Variants in LIMD1 observed in about 807,000 individuals in gnomAD.
The protein encoded by LIMD1 is LIM domain-containing protein 1.
LIMD1 carries 23 observed loss-of-function variants against 58.4 expected under a neutral mutation model. That is an observed-to-expected ratio of 0.39 (90% confidence interval 0.28 to 0.56). The LOEUF is 0.56. Among genes scored for constraint, LIMD1 ranks in the 20% least tolerant of loss-of-function variants. LIMD1 has a pLI of 0.57. For missense variants in LIMD1, 838 were observed against 855.5 expected (o/e 0.98, Z 0.25); for synonymous variants, 334 against 345.5 (o/e 0.97, Z 0.37).
chr3:45,632,646 C>T (rs922944859), intron 1 of LIMD1: 1 of 626,482 alleles, frequency 1.6e-6, no homozygotes, highest in Non-Finnish European at 2.0e-6. Context: ...GCGGAGGCCA[C>T]AGTTAAGACA....
At chr3:45,605,866 TG>T (rs1701463506) in intron 1 of LIMD1, among the ~76,000 whole-genome samples, 3 of 152,184 alleles carry the variant, frequency 2.0e-5, no homozygotes, top group African/African-American at 7.2e-5. Context: ...TGGGTGTTGT[TG>T]GGTCTCAGGC....
intron 2 of LIMD1, among the ~76,000 whole-genome samples, chr3:45,645,937 C>A (rs1701900465): frequency 6.6e-6 from 1 of 151,522 alleles, no homozygotes; most frequent in Non-Finnish European, 1.5e-5. Flanking sequence ...GTAATACAAG[C>A]TGCTGTCTGT....
chr3:45,635,789 C>A, intron 1 of LIMD1: 2 of 447,770 alleles, frequency 4.5e-6, no homozygotes, highest in African/African-American at 2.2e-5. Context: ...TCCCAACCTG[C>A]ATGCTTGGCA....
intron 2 of LIMD1, among the ~76,000 whole-genome samples, chr3:45,646,486 C>T (rs142202157): frequency 6.6e-6 from 1 of 152,350 alleles, no homozygotes; most frequent in East Asian, 1.9e-4. Flanking sequence ...TGGCCTCTCT[C>T]TGACCTGTAG....
intron 1 of LIMD1, among the ~76,000 whole-genome samples, chr3:45,618,057 GCACCT>G (rs1188556034): frequency 6.6e-6 from 1 of 152,048 alleles, no homozygotes; most frequent in African/African-American, 2.4e-5. Context: ...GTGTGGTGGG[GCACCT>G]CACTGCCTGA....
rs748937836 is a variant in LIMD1, at chr3:45,682,944, G to A, written c.*5885G>A. 5.3e-5 allele frequency: 8 copies of A among 152,172 alleles called. No individual in the cohort carries two copies. Among genetic ancestry groups the A allele is most frequent in the Non-Finnish European group, 1.0e-4 (7 of 68,056 alleles). 9.4% of individuals were successfully genotyped at this position (152,172 alleles called of 1,614,324 possible). A position where few individuals can be genotyped will look rare whatever the true frequency, so the allele number is the denominator to read the frequency against. On this transcript the variant is annotated 3_prime_UTR_variant, in exon 8 of 8. Coordinates refer to ENST00000273317, the MANE Select transcript of LIMD1 (RefSeq NM_014240.3). ...TCCTGGACACGAGCCAAAGGTTGTC[G>A]GCAGAAGCGAATTGCTTCCAGAGGT...
chr3:45,627,141 T>C (rs1409234654), intron 1 of LIMD1, among the ~76,000 whole-genome samples: 4 of 152,026 alleles, frequency 2.6e-5, no homozygotes, highest in African/African-American at 9.7e-5. Flanking sequence ...TCTCTGTGCG[T>C]AGGGGTGGGC....
In LIMD1 at chr3:45,657,370, C is replaced by G. The variant is rs563935741; in HGVS notation, c.1511-8280C>G. ...CCTAGAAAGTGTTTGAATGAAAATT[C>G]CCTTTTCCGGCCAGATATGGTAACT... On this transcript the variant is annotated intron_variant, in intron 2 of 7. Transcript: ENST00000273317. Among the ~76,000 whole-genome samples, 3 of 152,038 alleles carry G rather than the reference C, an allele frequency of 2.0e-5. No homozygotes were observed. The South Asian group carries it at 6.2e-4, about 32-fold the overall frequency.
intron 2 of LIMD1, among the ~76,000 whole-genome samples, chr3:45,654,311 C>G (rs1305059829): frequency 6.6e-6 from 1 of 152,132 alleles, no homozygotes; most frequent in Non-Finnish European, 1.5e-5. Context: ...GTGGTGGAGT[C>G]TTACCGCCAA....
At chr3:45,599,248 A>G (rs1253464180) in intron 1 of LIMD1, among the ~76,000 whole-genome samples, 1 of 152,182 alleles carries the variant, frequency 6.6e-6, no homozygotes, top group Non-Finnish European at 1.5e-5. Context: ...ACGTTGTACA[A>G]TGAACACCTC....
chr3:45,673,152 G>A (rs1338028100), intron 5 of LIMD1, among the ~76,000 whole-genome samples: 1 of 152,204 alleles, frequency 6.6e-6, no homozygotes, highest in Non-Finnish European at 1.5e-5. Context: ...CCCCTATGCA[G>A]TGCTGGTTCC....
intron 1 of LIMD1, among the ~76,000 whole-genome samples, chr3:45,602,032 T>C (rs1423908303): frequency 2.0e-5 from 3 of 150,966 alleles, no homozygotes; most frequent in Admixed American, 2.0e-4. Context: ...AAGCTCCGCC[T>C]CCCAGGTTCA....
In LIMD1 at chr3:45,594,807, A is replaced by ACACACACACACAC. The variant is rs1559510640; in HGVS notation, c.-72_-60dup. 1.3e-5 allele frequency: 8 copies of ACACACACACACAC among 623,048 alleles called. No homozygotes were observed. The highest frequency in any genetic ancestry group is 4.2e-5 in the South Asian group (2 of 47,246). The allele number at this position is 623,048 out of a possible 1,614,324, so 38.6% of individuals were successfully genotyped here. On this transcript the variant is annotated 5_prime_UTR_variant, in exon 1 of 8. Transcript: ENST00000273317. ...CACACACACACACACACACACACAC[A>ACACACACACACAC]CACACACACACACACACACACACAC... is the stretch of plus-strand genomic sequence containing the variant.
chr3:45,641,384 G>A (rs758983363), intron 2 of LIMD1, among the ~76,000 whole-genome samples: 3 of 151,956 alleles, frequency 2.0e-5, no homozygotes, highest in African/African-American at 7.3e-5. Context: ...AGTCTGGTGA[G>A]TGTGTGTATT....
At chr3:45,643,276 C>T (rs769644204) in intron 2 of LIMD1, among the ~76,000 whole-genome samples, 2 of 151,916 alleles carry the variant, frequency 1.3e-5, no homozygotes, top group African/African-American at 4.8e-5. Context: ...CTTGAGGTCA[C>T]GAGTTTGAGA....
In LIMD1 at chr3:45,683,998, G is replaced by C. The variant is rs1025260478; in HGVS notation, c.*6939G>C. On this transcript the variant is annotated 3_prime_UTR_variant, in exon 8 of 8. Coordinates refer to ENST00000273317, the MANE Select transcript of LIMD1 (RefSeq NM_014240.3). Reference sequence around the variant, plus strand: ...TCTTCAGGAATCCCTGAAAGTGGGGGTTTGCAATTTTCCCTGGATTGAAAA... The same window carrying C: ...TCTTCAGGAATCCCTGAAAGTGGGGCTTTGCAATTTTCCCTGGATTGAAAA... 6.6e-6 allele frequency: 1 copy of C among 152,172 alleles called. No individual in the cohort carries two copies. The highest frequency in any genetic ancestry group is 2.4e-5 in the African/African-American group (1 of 41,432). 9.4% of individuals were successfully genotyped at this position (152,172 alleles called of 1,614,324 possible). A position where few individuals can be genotyped will look rare whatever the true frequency, so the allele number is the denominator to read the frequency against.
In LIMD1 at chr3:45,645,482, G is replaced by T. The variant is rs144844229; in HGVS notation, c.1510+9231G>T. ...TGCACATGTCTGGTTTTTGTTGGAAGTCTGTACCTTTCCTCCGTGGTAGTC... is the reference window on the plus strand; with the variant it reads ...TGCACATGTCTGGTTTTTGTTGGAATTCTGTACCTTTCCTCCGTGGTAGTC... On this transcript the variant is annotated intron_variant, in intron 2 of 7. Transcript: ENST00000273317. Among the ~76,000 whole-genome samples, 484 of 152,338 alleles carry T rather than the reference G, an allele frequency of 3.2e-3. 4 individuals carry two copies. The highest frequency in any genetic ancestry group is 0.01 in the African/African-American group (436 of 41,570).
chr3:45,651,682 G>C (rs1701975699), intron 2 of LIMD1, among the ~76,000 whole-genome samples: 1 of 151,962 alleles, frequency 6.6e-6, no homozygotes, highest in African/African-American at 2.4e-5. Flanking sequence ...GTGCAGGCTG[G>C]AGTGTAGTGG....
intron 2 of LIMD1, among the ~76,000 whole-genome samples, chr3:45,639,971 G>A (rs1701825944): frequency 6.6e-6 from 1 of 152,176 alleles, no homozygotes; most frequent in Non-Finnish European, 1.5e-5. Flanking sequence ...CCAGAGGTTA[G>A]GATTTTAACA....
Sources: gnomAD v4.1 joint callset for allele counts (sites outside exome capture counted in the v4.1 genomes callset) on GRCh38, gnomAD v4.1.1 for gene constraint, MANE v1.5 for transcripts, NCBI Gene and HGNC (gene_info 2026-07-23, HGNC 2026-07-21) for gene names.